The following BCAT1 variants were observed in gnomAD, a reference collection of about 807,000 sequenced individuals.
BCAT1 encodes branched chain amino acid transaminase 1.
In BCAT1, 48 loss-of-function variants were observed where a neutral mutation model predicts 52.4. The observed-to-expected ratio is 0.92, with a 90% CI of 0.73 to 1.16. BCAT1 has a LOEUF of 1.16. BCAT1 is among the 50% of genes most tolerant of loss of function. BCAT1 has a pLI of 0.00. For synonymous variants in BCAT1, 167 were observed against 161.3 expected (o/e 1.04, Z -0.27); for missense variants, 451 against 457.1 (o/e 0.99, Z 0.12).
intron 1 of BCAT1, among the ~76,000 whole-genome samples, chr12:24,945,149 A>T (rs1373904374): frequency 6.6e-6 from 1 of 152,206 alleles, no homozygotes; most frequent in Non-Finnish European, 1.5e-5. Flanking sequence ...CATAGTTGAA[A>T]CTGATACCTG....
chr12:24,819,028 C>G (rs1939997564), intron 10 of BCAT1, among the ~76,000 whole-genome samples: 1 of 152,132 alleles, frequency 6.6e-6, no homozygotes, highest in African/African-American at 2.4e-5. Context: ...GTACCATTAT[C>G]AATCCATTTT....
intron 5 of BCAT1, among the ~76,000 whole-genome samples, chr12:24,851,099 G>T (rs1435587702): frequency 6.6e-6 from 1 of 152,118 alleles, no homozygotes; most frequent in Non-Finnish European, 1.5e-5. Flanking sequence ...CGTTTTGAAG[G>T]CTACATATTA....
intron 5 of BCAT1, among the ~76,000 whole-genome samples, chr12:24,865,964 C>T (rs893559004): frequency 9.2e-5 from 14 of 152,240 alleles, no homozygotes; most frequent in African/African-American, 3.4e-4. Flanking sequence ...GCCTCGGCGC[C>T]CATTCTGACC....
rs1298919622 is a variant in BCAT1, at chr12:24,881,471, G to A, written c.280-60C>T. ...CCAAAAGAAAACAACCCGTGTTCAA[G>A]AGACTGACTTTCCTATGGGCGTTCA... On this transcript the variant is annotated intron_variant, in intron 3 of 10. Coordinates refer to ENST00000261192, the MANE Select transcript of BCAT1 (RefSeq NM_005504.7). 3 of 1,113,388 alleles carry A rather than the reference G, an allele frequency of 2.7e-6. No individual in the cohort carries two copies. The Admixed American group carries it at 5.3e-5, about 20-fold the overall frequency. 69.0% of individuals were successfully genotyped at this position (1,113,388 alleles called of 1,614,324 possible).
At position 24,948,963 on chromosome 12, in the gene BCAT1, T is replaced by G. The variant is rs1325106485; in HGVS notation, c.-31A>C. The G allele has an allele frequency of 1.3e-6, 2 of 1,588,612 alleles. No homozygotes were observed. Among genetic ancestry groups the G allele is most frequent in the Non-Finnish European group, 1.7e-6 (2 of 1,167,226 alleles). ...CGTCGGCCACGAGGGAAGCTCGAGC[T>G]GAGCGGAGGGCAGATCCCAAGGGTC... On this transcript the variant is annotated 5_prime_UTR_variant, in exon 1 of 11. Transcript: ENST00000261192.
At chr12:24,857,794 G>A (rs541787471) in intron 5 of BCAT1, among the ~76,000 whole-genome samples, 6 of 152,114 alleles carry the variant, frequency 3.9e-5, no homozygotes, top group South Asian at 2.1e-4. Context: ...TACTTGTAGG[G>A]GTATCAGAAA....
chr12:24,942,378 T>C (rs1943862622), intron 1 of BCAT1, among the ~76,000 whole-genome samples: 1 of 151,988 alleles, frequency 6.6e-6, no homozygotes, highest in African/African-American at 2.4e-5. Flanking sequence ...CCGTCTCTAC[T>C]AAAAATACAA....
Position 24,838,107 on chromosome 12 carries a change from C to G in BCAT1, c.818-1511G>C, listed in dbSNP as rs540830754. Among the ~76,000 whole-genome samples, 88 of 152,262 alleles carry G rather than the reference C, an allele frequency of 5.8e-4. No homozygotes were observed. The Middle Eastern group carries it at 0.02, about 35-fold the overall frequency. ...ACACTGAGGCCACCACCCTCTCCCT[C>G]AATACATGGTGGTTCTAGGCTCGCC... On this transcript the variant is annotated intron_variant, in intron 7 of 10. Transcript: ENST00000261192.
At position 24,949,036 on chromosome 12, in the gene BCAT1, C is replaced by A; in HGVS notation, c.-104G>T. The A allele has an allele frequency of 7.8e-7, 1 of 1,277,010 alleles. No homozygotes were observed. Among genetic ancestry groups the A allele is most frequent in the Non-Finnish European group, 1.1e-6 (1 of 906,234 alleles). 79.1% of individuals were successfully genotyped at this position (1,277,010 alleles called of 1,614,324 possible). A position where few individuals can be genotyped will look rare whatever the true frequency, so the allele number is the denominator to read the frequency against. ...GGGTCTGCGGCTGCAGAGCGCGGTC[C>A]CGGCTGCAGCAAGACCTGGGGCAGT... On this transcript the variant is annotated 5_prime_UTR_variant, in exon 1 of 11. Coordinates refer to ENST00000261192, the MANE Select transcript of BCAT1 (RefSeq NM_005504.7).
At chr12:24,863,256 T>C (rs1220625771) in intron 5 of BCAT1, among the ~76,000 whole-genome samples, 1 of 152,232 alleles carries the variant, frequency 6.6e-6, no homozygotes, top group African/African-American at 2.4e-5. Context: ...ACAGGGTTAA[T>C]ATAAGGATTA....
chr12:24,874,650 G>A (rs2139574137), intron 5 of BCAT1, among the ~76,000 whole-genome samples: 2 of 152,314 alleles, frequency 1.3e-5, no homozygotes. Flanking sequence ...CCTTAACAAG[G>A]TTTGGGATGG....
intron 1 of BCAT1, among the ~76,000 whole-genome samples, chr12:24,942,975 C>T (rs955882889): frequency 1.5e-4 from 23 of 152,284 alleles, no homozygotes; most frequent in Admixed American, 4.6e-4. Context: ...CAAATGGCAG[C>T]GTGAAGCTTC....
At chr12:24,863,323 G>T (rs1039787680) in intron 5 of BCAT1, among the ~76,000 whole-genome samples, 1 of 152,162 alleles carries the variant, frequency 6.6e-6, no homozygotes, top group African/African-American at 2.4e-5. Flanking sequence ...CGCAAAACTA[G>T]CAAGTGTTAT....
Position 24,810,060 on chromosome 12 carries a change from A to G in BCAT1, c.*7948T>C, listed in dbSNP as rs910573283. 2.0e-5 allele frequency: 3 copies of G among 152,210 alleles called. No homozygotes were observed. The highest frequency in any genetic ancestry group is 7.2e-5 in the African/African-American group (3 of 41,460). The allele number at this position is 152,210 out of a possible 1,614,324, so 9.4% of individuals were successfully genotyped here. On this transcript the variant is annotated 3_prime_UTR_variant, in exon 11 of 11. Transcript: ENST00000261192. ...TCAATTTATTTGTTTCAGCTCACGAACTTTTCAGAATCCCTAGTGGCTTAG... is the reference window on the plus strand; with the variant it reads ...TCAATTTATTTGTTTCAGCTCACGAGCTTTTCAGAATCCCTAGTGGCTTAG...
At chr12:24,829,766 G>T in intron 10 of BCAT1, 57 bp downstream of exon 10, 1 of 1,348,408 alleles carries the variant, frequency 7.4e-7, no homozygotes. Context: ...CAGAAATAAG[G>T]TGACATAAAA....
chr12:24,878,603 T>C lies in BCAT1; in HGVS notation c.437A>G (p.Lys146Arg), dbSNP rs144527883. ...ATATGGGACCCATTCTTGATCCAATTTCACAAGCTGTTGAATACACTCTAA... is the reference window on the plus strand; with the variant it reads ...ATATGGGACCCATTCTTGATCCAATCTCACAAGCTGTTGAATACACTCTAA... ...ELLECIQQLV[K>R]LDQEWVPYST... is the part of the protein sequence containing the mutation. The change falls in exon 5 of 11, where the codon AAA becomes AGA. Residue 146 changes from lysine (K) to arginine (R), a missense_variant. Physicochemically the swap from Lys to Arg is conservative, Grantham distance 26 (BLOSUM62 2). Coordinates refer to ENST00000261192, the MANE Select transcript of BCAT1 (RefSeq NM_005504.7). 358 of 1,609,844 alleles carry C rather than the reference T, an allele frequency of 2.2e-4. 2 individuals carry two copies. The African/African-American group carries it at 3.8e-3, about 17-fold the overall frequency.
intron 1 of BCAT1, among the ~76,000 whole-genome samples, chr12:24,948,073 C>A (rs1328552557): frequency 6.6e-6 from 1 of 152,238 alleles, no homozygotes; most frequent in Non-Finnish European, 1.5e-5. Flanking sequence ...CTTAGAAACT[C>A]TGAAACGAGG....
intron 10 of BCAT1, among the ~76,000 whole-genome samples, chr12:24,827,834 A>G (rs2139358093): frequency 1.3e-5 from 2 of 152,294 alleles, no homozygotes; most frequent in Admixed American, 1.3e-4. Flanking sequence ...TTTCTTTTTA[A>G]TACTGTAAAT....
chr12:24,868,307 G>T (rs1565472964), intron 5 of BCAT1, among the ~76,000 whole-genome samples: 1 of 151,994 alleles, frequency 6.6e-6, no homozygotes, highest in Non-Finnish European at 1.5e-5. Context: ...TATGTCCAAT[G>T]GATACCCCAC....
Sources: gnomAD v4.1 joint callset for allele counts (sites outside exome capture counted in the v4.1 genomes callset) on GRCh38, gnomAD v4.1.1 for gene constraint, MANE v1.5 for transcripts, NCBI Gene and HGNC (gene_info 2026-07-23, HGNC 2026-07-21) for gene names.